AGAP1: variants seen among roughly 807,000 people sequenced by gnomAD.
The protein encoded by AGAP1 is arf-GAP with GTPase, ANK repeat and PH domain-containing protein 1.
In AGAP1, 29 loss-of-function variants were observed where a neutral mutation model predicts 105.3. The observed-to-expected ratio is 0.28, with a 90% CI of 0.21 to 0.38. AGAP1 has a LOEUF of 0.38. Among genes scored for constraint, AGAP1 ranks in the 10% least tolerant of loss-of-function variants. AGAP1 has a pLI of 1.00. For missense variants in AGAP1, 998 were observed against 1,165.1 expected (o/e 0.86, Z 2.09); for synonymous variants, 509 against 485.9 (o/e 1.05, Z -0.63).
intron 16 of AGAP1, among the ~76,000 whole-genome samples, chr2:236,079,931 T>G (rs1006370866): frequency 6.6e-6 from 1 of 152,210 alleles, no homozygotes; most frequent in African/African-American, 2.4e-5. Flanking sequence ...ACGGAGCTGG[T>G]CTAAGATATG....
At chr2:235,546,544 C>T (rs897505086) in intron 1 of AGAP1, among the ~76,000 whole-genome samples, 1 of 152,060 alleles carries the variant, frequency 6.6e-6, no homozygotes, top group African/African-American at 2.4e-5. Flanking sequence ...AGGCTGTGGC[C>T]CTTCCAAGGT....
At chr2:235,800,985 T>G (rs1036502215) in intron 8 of AGAP1, among the ~76,000 whole-genome samples, 1 of 152,198 alleles carries the variant, frequency 6.6e-6, no homozygotes, top group African/African-American at 2.4e-5. Flanking sequence ...TGATGTTACA[T>G]TGCGATTCCT....
In AGAP1 at chr2:236,044,013, C is replaced by A. The variant is rs1361111651; in HGVS notation, c.1891+3172C>A. 6.6e-6 allele frequency among the ~76,000 whole-genome samples: 1 copy of A among 152,092 alleles called. No individual in the cohort carries two copies. The highest frequency in any genetic ancestry group is 1.5e-5 in the Non-Finnish European group (1 of 68,020). ...GAGAATGCTCTAGACCGCCAGGAGC[C>A]CCCTCTGTCTGCTCACTGGGCACAT... On this transcript the variant is annotated intron_variant, in intron 15 of 17. Coordinates refer to ENST00000304032, the MANE Select transcript of AGAP1 (RefSeq NM_001037131.3). This position sits in a 1 kb window ranked among gnomAD's most constrained non-coding sequence, Gnocchi z 5.7.
At chr2:236,091,418 C>A (rs890642863) in intron 16 of AGAP1, among the ~76,000 whole-genome samples, 2 of 152,214 alleles carry the variant, frequency 1.3e-5, no homozygotes, top group Admixed American at 1.3e-4. Context: ...TCTTATAAAA[C>A]TAAACGTGCA....
intron 9 of AGAP1, among the ~76,000 whole-genome samples, chr2:235,807,604 G>T (rs560110180): frequency 6.6e-6 from 1 of 152,216 alleles, no homozygotes; most frequent in African/African-American, 2.4e-5. Context: ...TTCAAAGGCT[G>T]CCTTTGTAGC....
chr2:235,938,987 T>G (rs10179060), intron 12 of AGAP1, among the ~76,000 whole-genome samples: 89,978 of 151,960 alleles, frequency 0.59, 27,277 homozygotes, highest in South Asian at 0.75. Context: ...CCCCCAGGGG[T>G]TTCAGATGCG....
At position 235,836,424 on chromosome 2, in the gene AGAP1, C is replaced by T. The variant is rs769907835; in HGVS notation, c.1050+29093C>T. Reference sequence around the variant, plus strand: ...CCAACAAGTGGTCCTGTAGGAAATGCATCCACTCCCTTGTGGGAATGCTGC... The same window carrying T: ...CCAACAAGTGGTCCTGTAGGAAATGTATCCACTCCCTTGTGGGAATGCTGC... On this transcript the variant is annotated intron_variant, in intron 9 of 17. Transcript: ENST00000304032. 5.3e-5 allele frequency among the ~76,000 whole-genome samples: 8 copies of T among 152,208 alleles called. No individual in the cohort carries two copies. The East Asian group carries it at 1.5e-3, about 29-fold the overall frequency.
At chr2:235,637,735 G>C (rs1461754173) in intron 1 of AGAP1, among the ~76,000 whole-genome samples, 1 of 152,168 alleles carries the variant, frequency 6.6e-6, no homozygotes, top group Non-Finnish European at 1.5e-5. Context: ...GAACCATATG[G>C]AAGAGGAGGT....
chr2:235,922,077 C>G (rs1191486409), intron 11 of AGAP1, among the ~76,000 whole-genome samples: 1 of 152,158 alleles, frequency 6.6e-6, no homozygotes, highest in East Asian at 1.9e-4. Context: ...TCCAGGGAAC[C>G]CGGTTTTCCC....
rs1294010374 is a variant in AGAP1 at position 235,979,142 on chromosome 2, T to G, written c.1645+10519T>G. Among the ~76,000 whole-genome samples, 4 of 117,698 alleles carry G rather than the reference T, an allele frequency of 3.4e-5. No homozygotes were observed. The highest frequency in any genetic ancestry group is 1.5e-4 in the African/African-American group (3 of 20,256). 77.2% of individuals were successfully genotyped at this position (117,698 alleles called of 152,430 possible). On this transcript the variant is annotated intron_variant, in intron 13 of 17. Coordinates refer to ENST00000304032, the MANE Select transcript of AGAP1 (RefSeq NM_001037131.3). The surrounding 1 kb of genome is among the most constrained non-coding windows in gnomAD (Gnocchi z 4.5). ...TGGGGTTTTTTTGTTGTTGTTTTTG[T>G]TTTTTTTTTTTTGGGATATGATCTC...
intron 6 of AGAP1, among the ~76,000 whole-genome samples, chr2:235,770,664 A>G (rs988182472): frequency 3.3e-5 from 5 of 152,152 alleles, no homozygotes; most frequent in Non-Finnish European, 7.3e-5. Flanking sequence ...ACTCAGAATC[A>G]TTTCAGACTT....
At position 235,600,576 on chromosome 2, in the gene AGAP1, T is replaced by A. The variant is rs1267275976; in HGVS notation, c.163+105727T>A. Among the ~76,000 whole-genome samples the A allele has an allele frequency of 6.6e-6, 1 of 152,180 alleles. No homozygotes were observed. Among genetic ancestry groups the A allele is most frequent in the Non-Finnish European group, 1.5e-5 (1 of 68,036 alleles). On this transcript the variant is annotated intron_variant, in intron 1 of 17. Coordinates refer to ENST00000304032, the MANE Select transcript of AGAP1 (RefSeq NM_001037131.3). The surrounding 1 kb of genome is among the most constrained non-coding windows in gnomAD (Gnocchi z 4.8). ...TCACAAGGTCCCACAATAGGCTGGC[T>A]GCAAGCTGAGGAGCAAGGAAGCCAG...
Position 235,889,722 on chromosome 2 carries a change from A to G in AGAP1, c.1155+6273A>G, listed in dbSNP as rs1368050663. On this transcript the variant is annotated intron_variant, in intron 10 of 17. Transcript: ENST00000304032. This position sits in a 1 kb window ranked among gnomAD's most constrained non-coding sequence, Gnocchi z 4.6. ...CCACAGATAGAAGATATGGAGGGAA[A>G]CCTTTTTCTCCAGGTCTGTTTCATG... 6.6e-6 allele frequency among the ~76,000 whole-genome samples: 1 copy of G among 151,954 alleles called. No individual in the cohort carries two copies. The highest frequency in any genetic ancestry group is 1.5e-5 in the Non-Finnish European group (1 of 67,998).
At chr2:236,079,322 C>A (rs1335149043) in intron 16 of AGAP1, among the ~76,000 whole-genome samples, 8 of 149,262 alleles carry the variant, frequency 5.4e-5, no homozygotes, top group Non-Finnish European at 1.5e-5. Flanking sequence ...AGTTCGAGAC[C>A]AGCCTAGGCA....
rs1306710659 is a variant in AGAP1, at chr2:236,123,729, TAAAAG to T, written c.2371-187_2371-183del. ...GAAAAAAAAAGACATGTTCTTTCCTTAAAAGAATCCGCTGGCCACGGGTGCAGGCT... is the reference window on the plus strand; with the variant it reads ...GAAAAAAAAAGACATGTTCTTTCCTTAATCCGCTGGCCACGGGTGCAGGCT... On this transcript the variant is annotated intron_variant, in intron 17 of 17. Transcript: ENST00000304032. The surrounding 1 kb of genome is among the most constrained non-coding windows in gnomAD (Gnocchi z 4.6). 1.3e-5 allele frequency among the ~76,000 whole-genome samples: 2 copies of T among 152,210 alleles called. No homozygotes were observed. The highest frequency in any genetic ancestry group is 3.9e-4 in the East Asian group (2 of 5,184).
At chr2:235,618,713 G>C (rs1946383460) in intron 1 of AGAP1, among the ~76,000 whole-genome samples, 1 of 152,102 alleles carries the variant, frequency 6.6e-6, no homozygotes, top group Non-Finnish European at 1.5e-5. Flanking sequence ...TTGTTATGTG[G>C]TATGTATAAT....
intron 13 of AGAP1, among the ~76,000 whole-genome samples, chr2:236,031,436 CTGGAGCCAGCCT>C (rs2057221739): frequency 6.6e-6 from 1 of 152,162 alleles, no homozygotes; most frequent in African/African-American, 2.4e-5. Flanking sequence ...CTCCAGGAGC[CTGGAGCCAGCCT>C]TGGAGATCTC....
At position 236,119,512 on chromosome 2, in the gene AGAP1, C is replaced by T. The variant is rs189681883; in HGVS notation, c.2115-680C>T. ...GGGAGTCCACACACACCCCCTATTTCGGAGTTTGAAGCTAAAAGCACATGG... is the reference window on the plus strand; with the variant it reads ...GGGAGTCCACACACACCCCCTATTTTGGAGTTTGAAGCTAAAAGCACATGG... On this transcript the variant is annotated intron_variant, in intron 16 of 17. Transcript: ENST00000304032. This position sits in a 1 kb window ranked among gnomAD's most constrained non-coding sequence, Gnocchi z 6.6. Among the ~76,000 whole-genome samples, 1 of 152,270 alleles carries T rather than the reference C, an allele frequency of 6.6e-6. No homozygotes were observed. The highest frequency in any genetic ancestry group is 1.9e-4 in the East Asian group (1 of 5,174).
intron 1 of AGAP1, among the ~76,000 whole-genome samples, chr2:235,641,234 A>G (rs928510858): frequency 3.9e-5 from 6 of 152,126 alleles, no homozygotes; most frequent in African/African-American, 1.4e-4. Flanking sequence ...CTCTAATGTT[A>G]CAAATATGAT....
Sources: gnomAD v4.1 joint callset for allele counts (sites outside exome capture counted in the v4.1 genomes callset) on GRCh38, gnomAD v4.1.1 for gene constraint, Gnocchi (gnomAD v3.1) non-coding constraint, MANE v1.5 for transcripts, NCBI Gene and HGNC (gene_info 2026-07-23, HGNC 2026-07-21) for gene names.